KCNH7: variants seen among roughly 807,000 people sequenced by gnomAD.
The protein encoded by KCNH7 is potassium voltage-gated channel subfamily H member 7, also known as voltage-gated inwardly rectifying potassium channel KCNH7.
KCNH7 carries 49 observed loss-of-function variants against 120.8 expected under a neutral mutation model. The observed-to-expected ratio is 0.41, with a 90% CI of 0.32 to 0.51. KCNH7 has a LOEUF of 0.51. KCNH7 is among the 20% of genes least tolerant of loss of function. KCNH7 has a pLI of 0.38. For synonymous variants in KCNH7, 547 were observed against 516.1 expected (o/e 1.06, Z -0.81); for missense variants, 1,097 against 1,446.6 (o/e 0.76, Z 3.92).
At chr2:162,385,813 G>T (rs1395941600) in intron 12 of KCNH7, among the ~76,000 whole-genome samples, 1 of 151,780 alleles carries the variant, frequency 6.6e-6, no homozygotes, top group East Asian at 1.9e-4. Context: ...GTGCTTACTT[G>T]GTTATTTATA....
chr2:162,418,103 T>A (rs561851516), intron 9 of KCNH7, among the ~76,000 whole-genome samples: 9 of 152,262 alleles, frequency 5.9e-5, no homozygotes, highest in Admixed American at 3.9e-4. Context: ...GCAATTCCTA[T>A]CAACTAATCT....
At chr2:162,763,349 T>C (rs943388612) in intron 2 of KCNH7, among the ~76,000 whole-genome samples, 1 of 152,132 alleles carries the variant, frequency 6.6e-6, no homozygotes, top group African/African-American at 2.4e-5. Flanking sequence ...GTTATTACTA[T>C]GCCATTTGCT....
At chr2:162,588,733 C>T (rs1023047224) in intron 2 of KCNH7, among the ~76,000 whole-genome samples, 2 of 152,038 alleles carry the variant, frequency 1.3e-5, no homozygotes, top group Admixed American at 6.6e-5. Flanking sequence ...ATGTTGGGAA[C>T]GTGTGATATC....
intron 2 of KCNH7, among the ~76,000 whole-genome samples, chr2:162,759,156 G>A (rs1688884608): frequency 1.3e-5 from 2 of 152,048 alleles, no homozygotes; most frequent in Non-Finnish European, 2.9e-5. Flanking sequence ...GTAGATCTGT[G>A]AAGGGAATAT....
chr2:162,773,216 A>G (rs1346833158), intron 2 of KCNH7, among the ~76,000 whole-genome samples: 1 of 152,222 alleles, frequency 6.6e-6, no homozygotes. Flanking sequence ...GGCCGGGCAT[A>G]GTAGTTCATG....
chr2:162,376,655 C>A (rs1686202325), intron 14 of KCNH7, among the ~76,000 whole-genome samples: 1 of 152,058 alleles, frequency 6.6e-6, no homozygotes, highest in African/African-American at 2.4e-5. Flanking sequence ...AGCCACCGCG[C>A]CTGGCCAAGG....
intron 2 of KCNH7, among the ~76,000 whole-genome samples, chr2:162,824,321 A>G (rs1249414396): frequency 1.3e-5 from 2 of 152,144 alleles, no homozygotes; most frequent in African/African-American, 4.8e-5. Flanking sequence ...CCTGCAAAGA[A>G]ACAAGTTCTG....
chr2:162,662,898 G>C (rs1348891149), intron 2 of KCNH7, among the ~76,000 whole-genome samples: 1 of 152,162 alleles, frequency 6.6e-6, no homozygotes, highest in Non-Finnish European at 1.5e-5. Context: ...ATATGAAATA[G>C]CATAAAAAGC....
intron 6 of KCNH7, among the ~76,000 whole-genome samples, chr2:162,447,472 G>T (rs757340828): frequency 1.3e-5 from 2 of 152,136 alleles, no homozygotes; most frequent in Admixed American, 6.6e-5. Context: ...TCCACAAATG[G>T]CATAAAAAGA....
intron 2 of KCNH7, among the ~76,000 whole-genome samples, chr2:162,609,884 G>A (rs1682905993): frequency 6.6e-6 from 1 of 152,184 alleles, no homozygotes; most frequent in Non-Finnish European, 1.5e-5. Flanking sequence ...AAACCTGCCA[G>A]CAGATTATCG....
At chr2:162,570,413 C>G (rs1486167646) in intron 2 of KCNH7, among the ~76,000 whole-genome samples, 3 of 151,822 alleles carry the variant, frequency 2.0e-5, no homozygotes, top group Non-Finnish European at 4.4e-5. Flanking sequence ...TTATTTTGAG[C>G]CTATGTGTGT....
At chr2:162,466,928 G>C (rs965905564) in intron 6 of KCNH7, among the ~76,000 whole-genome samples, 1 of 152,140 alleles carries the variant, frequency 6.6e-6, no homozygotes, top group Non-Finnish European at 1.5e-5. Flanking sequence ...ATGAAGAGAG[G>C]CATCAATGTA....
intron 4 of KCNH7, among the ~76,000 whole-genome samples, chr2:162,513,285 C>T (rs1052037885): frequency 6.8e-6 from 1 of 146,390 alleles, no homozygotes; most frequent in African/African-American, 2.5e-5. Flanking sequence ...TTCCCTCCTT[C>T]CCTCCTTCCT....
At chr2:162,538,330 G>A (rs1692182568) in intron 2 of KCNH7, among the ~76,000 whole-genome samples, 1 of 151,996 alleles carries the variant, frequency 6.6e-6, no homozygotes, top group South Asian at 2.1e-4. Context: ...CAAAAGATCG[G>A]ACCCCCCTGA....
At chr2:162,387,340 C>G (rs1164000379) in intron 12 of KCNH7, among the ~76,000 whole-genome samples, 2 of 151,038 alleles carry the variant, frequency 1.3e-5, no homozygotes, top group Non-Finnish European at 1.5e-5. Flanking sequence ...GGAAAATTGG[C>G]TGATGTAATA....
At chr2:162,477,817 T>TATAC (rs5835906) in intron 6 of KCNH7, among the ~76,000 whole-genome samples, 1 of 148,902 alleles carries the variant, frequency 6.7e-6, no homozygotes, top group Non-Finnish European at 1.5e-5. Flanking sequence ...CCCAAACATC[T>TATAC]ATCCATCCAT....
intron 3 of KCNH7, among the ~76,000 whole-genome samples, chr2:162,522,721 G>A (rs1370302663): frequency 2.0e-5 from 3 of 151,724 alleles, no homozygotes; most frequent in Non-Finnish European, 4.4e-5. Context: ...ATAAAGTTTT[G>A]CACATACTTT....
chr2:162,443,211 A>G (rs1352908068), intron 7 of KCNH7, among the ~76,000 whole-genome samples: 1 of 152,180 alleles, frequency 6.6e-6, no homozygotes, highest in Non-Finnish European at 1.5e-5. Flanking sequence ...TCAGGATTCT[A>G]TCTAACATTT....
chr2:162,373,810 C>T, intron 14 of KCNH7, 148 bp from the exon 15 acceptor site: 1 of 453,886 alleles, frequency 2.2e-6, no homozygotes, highest in Non-Finnish European at 3.9e-6. Flanking sequence ...AGATTCTTTC[C>T]TGACGGATAC....
Sources: gnomAD v4.1 joint callset for allele counts (sites outside exome capture counted in the v4.1 genomes callset) on GRCh38, gnomAD v4.1.1 for gene constraint, MANE v1.5 for transcripts, NCBI Gene and HGNC (gene_info 2026-07-23, HGNC 2026-07-21) for gene names.